Variants in CELF2 observed in about 807,000 individuals in gnomAD.
The protein encoded by CELF2 is CUG triplet repeat RNA-binding protein 2.
Under a neutral mutation model 62.6 loss-of-function variants are expected in CELF2, and 8 were observed. That is an observed-to-expected ratio of 0.13 (90% CI 0.07 to 0.23). The LOEUF is 0.23. CELF2 is among the 10% of genes least tolerant of loss of function. The pLI is 1.00. For synonymous variants in CELF2, 258 were observed against 250.0 expected (o/e 1.03, Z -0.30); for missense variants, 333 against 671.0 (o/e 0.50, Z 5.56).
chr10:11,208,117 G>A (rs1012735680), intron 2 of CELF2, among the ~76,000 whole-genome samples: 1 of 152,120 alleles, frequency 6.6e-6, no homozygotes, highest in African/African-American at 2.4e-5. Context: ...CTTTGCTCTT[G>A]GCTCCTGGTG....
At chr10:10,678,376 A>G in the CELF2 span, among the ~76,000 whole-genome samples, 1 of 152,138 alleles carries the variant, frequency 6.6e-6, no homozygotes, top group Non-Finnish European at 1.5e-5. Flanking sequence ...GGTGACTGCT[A>G]AAGTTCAATG....
chr10:11,033,596 GACTA>G (rs1465555027), intron 1 of CELF2, among the ~76,000 whole-genome samples: 5 of 152,170 alleles, frequency 3.3e-5, no homozygotes, highest in Non-Finnish European at 5.9e-5. Context: ...TGAGGCATCT[GACTA>G]ACTGCCTGGG....
intron 1 of CELF2, among the ~76,000 whole-genome samples, chr10:10,853,837 G>T (rs139279687): frequency 3.3e-5 from 5 of 152,074 alleles, no homozygotes; most frequent in African/African-American, 1.2e-4. Context: ...CTAGAAAGGG[G>T]CAGAGGATGC....
intron 8 of CELF2, among the ~76,000 whole-genome samples, chr10:11,282,832 C>T (rs573747855): frequency 4.6e-5 from 7 of 152,218 alleles, no homozygotes; most frequent in Non-Finnish European, 7.3e-5. Flanking sequence ...GCGCTGCCTT[C>T]GGGAGGTGGT....
the CELF2 span, among the ~76,000 whole-genome samples, chr10:10,781,267 A>G: frequency 2.0e-5 from 3 of 152,222 alleles, no homozygotes; most frequent in Non-Finnish European, 4.4e-5. Flanking sequence ...TAGATACACA[A>G]ATACTTAGCA....
chr10:11,042,064 A>G (rs1007619733), intron 1 of CELF2, among the ~76,000 whole-genome samples: 1 of 152,324 alleles, frequency 6.6e-6, no homozygotes, highest in African/African-American at 2.4e-5. Context: ...CGATTTTTGC[A>G]TGATCAAAAT....
intron 2 of CELF2, among the ~76,000 whole-genome samples, chr10:11,198,277 G>A (rs2135066163): frequency 6.6e-6 from 1 of 152,316 alleles, no homozygotes; most frequent in East Asian, 1.9e-4. Flanking sequence ...TAATATGGGA[G>A]CCGAATGCAG....
chr10:10,579,657 A>G, the CELF2 span, among the ~76,000 whole-genome samples: 1 of 152,138 alleles, frequency 6.6e-6, no homozygotes, highest in African/African-American at 2.4e-5. Flanking sequence ...AATAGAGGCA[A>G]TGTTACCCCG....
At chr10:10,909,098 A>G (rs375532500) in intron 1 of CELF2, among the ~76,000 whole-genome samples, 2 of 152,150 alleles carry the variant, frequency 1.3e-5, no homozygotes, top group Admixed American at 1.3e-4. Context: ...CCGCTGGTGC[A>G]TTTTTTAAAG....
At chr10:10,977,111 C>G (rs1460460953) in intron 2 of CELF2, among the ~76,000 whole-genome samples, 1 of 126,068 alleles carries the variant, frequency 7.9e-6, no homozygotes, top group African/African-American at 5.0e-5. Context: ...GGGCAAACAC[C>G]TGCAAAAAAA....
chr10:10,726,085 C>G, the CELF2 span, among the ~76,000 whole-genome samples: 1 of 152,152 alleles, frequency 6.6e-6, no homozygotes, highest in Non-Finnish European at 1.5e-5. Flanking sequence ...CAGCTGCAGC[C>G]TCAGTCACCC....
chr10:10,982,215 G>A (rs562843682), intron 2 of CELF2, among the ~76,000 whole-genome samples: 5 of 151,768 alleles, frequency 3.3e-5, no homozygotes, highest in South Asian at 2.1e-4. Flanking sequence ...TCAGCCTCCC[G>A]AAGTGCTGGG....
At chr10:11,144,459 A>G (rs2061890576) in intron 1 of CELF2, among the ~76,000 whole-genome samples, 2 of 152,154 alleles carry the variant, frequency 1.3e-5, no homozygotes, top group Non-Finnish European at 2.9e-5. Flanking sequence ...CAGCAGAATT[A>G]TCGTGCTTAT....
chr10:10,558,869 C>T, the CELF2 span, among the ~76,000 whole-genome samples: 1 of 151,818 alleles, frequency 6.6e-6, no homozygotes, highest in African/African-American at 2.4e-5. Flanking sequence ...TTTCACTGGG[C>T]ACATGTGACT....
At position 11,012,101 on chromosome 10, in the gene CELF2, T is replaced by G. The variant is rs1040249030; in HGVS notation, c.53+6661T>G. On this transcript the variant is annotated intron_variant, in intron 1 of 12. Transcript: ENST00000416382. The surrounding 1 kb of genome is among the most constrained non-coding windows in gnomAD (Gnocchi z 5.5). ...TAAGAAGAAAGGTCTAGCTGATGAA[T>G]CAGAAAATTAAATGACTCATTCCCA... Among the ~76,000 whole-genome samples, 1 of 152,116 alleles carries G rather than the reference T, an allele frequency of 6.6e-6. No homozygotes were observed. The highest frequency in any genetic ancestry group is 1.5e-5 in the Non-Finnish European group (1 of 67,978).
chr10:10,516,207 TA>T, the CELF2 span, among the ~76,000 whole-genome samples: 1 of 152,142 alleles, frequency 6.6e-6, no homozygotes, highest in African/African-American at 2.4e-5. Context: ...AATACCAGAC[TA>T]GGGGTAGGCA....
At chr10:11,216,713 T>G (rs1436458912) in intron 2 of CELF2, among the ~76,000 whole-genome samples, 2 of 152,214 alleles carry the variant, frequency 1.3e-5, no homozygotes, top group East Asian at 3.8e-4. Context: ...GGCCGGGGAC[T>G]CCCACAGGCT....
At chr10:10,991,591 A>G (rs1017610784) in intron 2 of CELF2, among the ~76,000 whole-genome samples, 1 of 152,234 alleles carries the variant, frequency 6.6e-6, no homozygotes, top group Non-Finnish European at 1.5e-5. Flanking sequence ...GAAGAAAAAT[A>G]GGAAAGTTTT....
the CELF2 span, among the ~76,000 whole-genome samples, chr10:10,725,843 T>A: frequency 1.3e-4 from 20 of 152,226 alleles, no homozygotes; most frequent in African/African-American, 4.8e-4. Flanking sequence ...TTATTTATTA[T>A]TTATTTTGCC....
Sources: allele counts gnomAD v4.1 joint callset (sites outside exome capture counted in the v4.1 genomes callset), GRCh38; gene constraint gnomAD v4.1.1; non-coding constraint Gnocchi (gnomAD v3.1); transcripts MANE v1.5; gene names NCBI Gene and HGNC (gene_info 2026-07-23, HGNC 2026-07-21).